The following BCAS3 variants were observed in gnomAD, a reference collection of about 807,000 sequenced individuals.
BCAS3 encodes BCAS3 microtubule associated cell migration factor.
A neutral mutation model predicts 116.1 loss-of-function variants in BCAS3; 53 were observed. That is an observed-to-expected ratio of 0.46 (90% CI 0.37 to 0.57). BCAS3 has a LOEUF of 0.57. BCAS3 is among the 20% of genes least tolerant of loss of function. BCAS3 has a pLI of 0.00. For synonymous variants in BCAS3, 391 were observed against 408.2 expected (o/e 0.96, Z 0.51); for missense variants, 917 against 1,165.4 (o/e 0.79, Z 3.10).
rs1356852094 is a variant in BCAS3 at position 61,258,701 on chromosome 17, A to C, written c.2426-109626A>C. Among the ~76,000 whole-genome samples, 2 of 152,212 alleles carry C rather than the reference A, an allele frequency of 1.3e-5. No homozygotes were observed. Among genetic ancestry groups the C allele is most frequent in the Non-Finnish European group, 2.9e-5 (2 of 68,034 alleles). On this transcript the variant is annotated intron_variant, in intron 22 of 23. Coordinates refer to ENST00000407086, the MANE Select transcript of BCAS3 (RefSeq NM_017679.5). This position sits in a 1 kb window ranked among gnomAD's most constrained non-coding sequence, Gnocchi z 4.7. ...CTAAAGTGGAGAATTTTGGATAATA[A>C]ATTTTAGTAGACTCATTTGATATAA...
At chr17:60,783,758 T>A (rs547108558) in intron 6 of BCAS3, among the ~76,000 whole-genome samples, 10 of 152,350 alleles carry the variant, frequency 6.6e-5, no homozygotes, top group Admixed American at 6.5e-5. Context: ...CCTGGGCATA[T>A]TTGTTCTAAA....
At chr17:61,329,343 A>ATTTTTTTTTTTTTTTTTTTTTTTTTT (rs35909318) in intron 22 of BCAS3, among the ~76,000 whole-genome samples, 3 of 131,280 alleles carry the variant, frequency 2.3e-5, no homozygotes, top group African/African-American at 8.8e-5. Context: ...TATTATTATT[A>ATTTTTTTTTTTTTTTTTTTTTTTTTT]TTTTTTTTTT....
chr17:60,832,978 G>A (rs560033901), intron 7 of BCAS3, among the ~76,000 whole-genome samples: 164 of 152,194 alleles, frequency 1.1e-3, no homozygotes, highest in Non-Finnish European at 2.1e-3. Context: ...GCCTTTAAAG[G>A]CAGTGTTTCT....
Position 61,203,615 on chromosome 17 carries a change from C to A in BCAS3, c.2425+119051C>A, listed in dbSNP as rs2080963916. Among the ~76,000 whole-genome samples the A allele has an allele frequency of 6.6e-6, 1 of 152,056 alleles. No homozygotes were observed. Among genetic ancestry groups the A allele is most frequent in the South Asian group, 2.1e-4 (1 of 4,822 alleles). On this transcript the variant is annotated intron_variant, in intron 22 of 23. Transcript: ENST00000407086. This position sits in a 1 kb window ranked among gnomAD's most constrained non-coding sequence, Gnocchi z 5.7. ...CAGACTAGTTAGGGAGAAAAGTGAT[C>A]AAAAAACACTTGATATTTTTAAATT...
At chr17:60,952,401 C>T (rs943398088) in intron 14 of BCAS3, among the ~76,000 whole-genome samples, 1 of 151,928 alleles carries the variant, frequency 6.6e-6, no homozygotes, top group Non-Finnish European at 1.5e-5. Context: ...CTCACTGCAA[C>T]CTCTGCCTCC....
Position 61,135,834 on chromosome 17 carries a change from G to A in BCAS3, c.2425+51270G>A, listed in dbSNP as rs192215742. ...CCTATGATGGCAGAGTTGAGCAGCT[G>A]TAACAGAGACCGTGCGGCCTAAAGA... On this transcript the variant is annotated intron_variant, in intron 22 of 23. Coordinates refer to ENST00000407086, the MANE Select transcript of BCAS3 (RefSeq NM_017679.5). 6.0e-3 allele frequency: 920 copies of A among 152,392 alleles called. 10 individuals carry two copies. Among genetic ancestry groups the A allele is most frequent in the South Asian group, 0.024 (116 of 4,830 alleles). The allele number at this position is 152,392 out of a possible 1,614,324, so 9.4% of individuals were successfully genotyped here.
At chr17:61,311,356 G>A (rs1317022132) in intron 22 of BCAS3, among the ~76,000 whole-genome samples, 1 of 152,174 alleles carries the variant, frequency 6.6e-6, no homozygotes, top group Non-Finnish European at 1.5e-5. Flanking sequence ...AGACATTGGG[G>A]ATTCTATGTG....
At chr17:60,867,958 G>A (rs1599292564) in intron 7 of BCAS3, among the ~76,000 whole-genome samples, 2 of 151,528 alleles carry the variant, frequency 1.3e-5, no homozygotes. Context: ...ATCATGAATA[G>A]GCTTTGAAGT....
chr17:60,974,805 A>G (rs2062190748), intron 14 of BCAS3, among the ~76,000 whole-genome samples: 1 of 152,176 alleles, frequency 6.6e-6, no homozygotes, highest in Admixed American at 6.5e-5. Context: ...TTGTATACTT[A>G]AAAACTCTAA....
intron 22 of BCAS3, among the ~76,000 whole-genome samples, chr17:61,119,028 C>A (rs568091297): frequency 2.0e-4 from 30 of 152,254 alleles, no homozygotes; most frequent in African/African-American, 7.0e-4. Context: ...AGTCTCTAGA[C>A]ACAACACTTC....
Position 61,380,265 on chromosome 17 carries a change from G to A in BCAS3, c.2594-11712G>A, listed in dbSNP as rs2059543431. The A allele has an allele frequency of 3.6e-6, 2 of 548,784 alleles. No individual in the cohort carries two copies. The highest frequency in any genetic ancestry group is 2.1e-5 in the South Asian group (1 of 48,298). The allele number at this position is 548,784 out of a possible 1,614,324, so 34.0% of individuals were successfully genotyped here. On this transcript the variant is annotated intron_variant, in intron 23 of 23. Coordinates refer to ENST00000407086, the MANE Select transcript of BCAS3 (RefSeq NM_017679.5). The surrounding 1 kb of genome is among the most constrained non-coding windows in gnomAD (Gnocchi z 4.2). ...CCCTGTGCAGCAGGCAGGAGTGTAGGAACTCAGGCAGCTGGACTGGGGAGG... is the reference window on the plus strand; with the variant it reads ...CCCTGTGCAGCAGGCAGGAGTGTAGAAACTCAGGCAGCTGGACTGGGGAGG...
At chr17:60,874,155 C>T (rs2055375502) in intron 8 of BCAS3, among the ~76,000 whole-genome samples, 1 of 152,184 alleles carries the variant, frequency 6.6e-6, no homozygotes, top group South Asian at 2.1e-4. Flanking sequence ...CAGTCTTGAC[C>T]TCCTGGGCTC....
In BCAS3 at chr17:61,278,511, GA is replaced by G. The variant is rs1481297312; in HGVS notation, c.2426-89814del. Among the ~76,000 whole-genome samples the G allele has an allele frequency of 6.6e-6, 1 of 152,132 alleles. No homozygotes were observed. Among genetic ancestry groups the G allele is most frequent in the Non-Finnish European group, 1.5e-5 (1 of 68,026 alleles). On this transcript the variant is annotated intron_variant, in intron 22 of 23. Coordinates refer to ENST00000407086, the MANE Select transcript of BCAS3 (RefSeq NM_017679.5). The surrounding 1 kb of genome is among the most constrained non-coding windows in gnomAD (Gnocchi z 5.8). ...TTGGATGGACCTACCCAAAGGAATTGAATGCAGGAACAGGAACAGATGCTTC... is the reference window on the plus strand; with the variant it reads ...TTGGATGGACCTACCCAAAGGAATTGATGCAGGAACAGGAACAGATGCTTC...
At chr17:60,976,464 T>C (rs1036773895) in intron 14 of BCAS3, among the ~76,000 whole-genome samples, 4 of 151,664 alleles carry the variant, frequency 2.6e-5, no homozygotes, top group African/African-American at 9.7e-5. Flanking sequence ...TATTTATTGA[T>C]CATTCTTGGG....
intron 7 of BCAS3, among the ~76,000 whole-genome samples, chr17:60,830,988 C>T (rs2050867095): frequency 6.6e-6 from 1 of 151,984 alleles, no homozygotes; most frequent in African/African-American, 2.4e-5. Flanking sequence ...TCTCCCACTT[C>T]AGCCTCCCTA....
chr17:60,745,912 T>C (rs1048680060), intron 5 of BCAS3, among the ~76,000 whole-genome samples: 5 of 152,108 alleles, frequency 3.3e-5, no homozygotes, highest in Non-Finnish European at 4.4e-5. Flanking sequence ...AGCTCTTAAA[T>C]TCAGATAGAA....
chr17:60,716,122 A>G (rs1006167978), intron 5 of BCAS3, among the ~76,000 whole-genome samples: 24 of 152,136 alleles, frequency 1.6e-4, no homozygotes, highest in African/African-American at 5.3e-4. Flanking sequence ...CGGCCTCCCA[A>G]AGTGCTGGGA....
intron 22 of BCAS3, among the ~76,000 whole-genome samples, chr17:61,154,928 TGGTGGGGGGTG>T (rs1332469184): frequency 6.6e-6 from 1 of 152,046 alleles, no homozygotes; most frequent in Non-Finnish European, 1.5e-5. Flanking sequence ...TTTTTTTTTT[TGGTGGGGGGTG>T]TTTGGCTTGC....
intron 7 of BCAS3, among the ~76,000 whole-genome samples, chr17:60,848,985 A>G (rs879230246): frequency 6.6e-6 from 1 of 152,188 alleles, no homozygotes; most frequent in African/African-American, 2.4e-5. Flanking sequence ...GAGATGCAAA[A>G]CGAGAGTCCT....
Sources: gnomAD v4.1 joint callset for allele counts (sites outside exome capture counted in the v4.1 genomes callset) on GRCh38, gnomAD v4.1.1 for gene constraint, Gnocchi (gnomAD v3.1) non-coding constraint, MANE v1.5 for transcripts, NCBI Gene and HGNC (gene_info 2026-07-23, HGNC 2026-07-21) for gene names.